The following PTPRD variants were observed in gnomAD, a reference collection of about 807,000 sequenced individuals.
The protein encoded by PTPRD is receptor-type tyrosine-protein phosphatase delta.
In PTPRD, 34 loss-of-function variants were observed where a neutral mutation model predicts 214.5. The observed-to-expected ratio is 0.16, with a 90% CI of 0.12 to 0.21. PTPRD has a LOEUF of 0.21. Among genes scored for constraint, PTPRD ranks in the 10% least tolerant of loss-of-function variants. The probability of loss-of-function intolerance (pLI) is 1.00; values close to 1 mark genes in which losing one functional copy is unlikely to be tolerated. For missense variants in PTPRD, 2,545 were observed against 2,398.7 expected (o/e 1.06, Z -1.27); for synonymous variants, 1,128 against 845.7 (o/e 1.33, Z -5.79).
chr9:10,100,394 T>C (rs887191016), intron 3 of PTPRD, among the ~76,000 whole-genome samples: 4 of 151,780 alleles, frequency 2.6e-5, no homozygotes, highest in East Asian at 3.9e-4. Flanking sequence ...AGCAGTCTAG[T>C]TGCAAAGCCT....
intron 10 of PTPRD, among the ~76,000 whole-genome samples, chr9:9,137,502 C>A (rs2099852741): frequency 6.6e-6 from 1 of 152,032 alleles, no homozygotes; most frequent in African/African-American, 2.4e-5. Flanking sequence ...GATATATAAC[C>A]CCCCTCTTAA....
chr9:9,784,801 C>A (rs1475284193), intron 5 of PTPRD, among the ~76,000 whole-genome samples: 2 of 150,108 alleles, frequency 1.3e-5, no homozygotes, highest in East Asian at 3.9e-4. Flanking sequence ...ATGTTTATAT[C>A]TATATCATAA....
At chr9:8,812,414 T>C (rs2096827955) in intron 11 of PTPRD, among the ~76,000 whole-genome samples, 1 of 152,204 alleles carries the variant, frequency 6.6e-6, no homozygotes, top group Non-Finnish European at 1.5e-5. Context: ...TTTCCATGTA[T>C]CTGCTAATTA....
At chr9:9,485,579 G>C (rs1364793031) in intron 8 of PTPRD, among the ~76,000 whole-genome samples, 1 of 151,966 alleles carries the variant, frequency 6.6e-6, no homozygotes, top group South Asian at 2.1e-4. Flanking sequence ...AGATAATCTA[G>C]TCTCTTACTT....
intron 30 of PTPRD, among the ~76,000 whole-genome samples, chr9:8,483,116 T>C (rs533667460): frequency 5.3e-5 from 8 of 152,350 alleles, no homozygotes; most frequent in African/African-American, 1.9e-4. Flanking sequence ...TTTTTTCTTC[T>C]ATTAGTTATT....
chr9:10,419,668 G>C (rs1423451398), intron 2 of PTPRD, among the ~76,000 whole-genome samples: 1 of 151,472 alleles, frequency 6.6e-6, no homozygotes, highest in Non-Finnish European at 1.5e-5. Context: ...CTGATCTCTT[G>C]GTTGTCTTCA....
At chr9:8,662,945 C>T (rs1238378747) in intron 12 of PTPRD, among the ~76,000 whole-genome samples, 1 of 152,092 alleles carries the variant, frequency 6.6e-6, no homozygotes, top group Non-Finnish European at 1.5e-5. Context: ...AGTAGAGACA[C>T]ACCAGGGAAG....
chr9:8,906,888 C>G (rs1309043689), intron 11 of PTPRD, among the ~76,000 whole-genome samples: 1 of 152,048 alleles, frequency 6.6e-6, no homozygotes, highest in Non-Finnish European at 1.5e-5. Flanking sequence ...CAAGCTCACA[C>G]AAAGGCAGAG....
intron 7 of PTPRD, among the ~76,000 whole-genome samples, chr9:9,579,497 T>C (rs1296440699): frequency 4.6e-5 from 7 of 152,112 alleles, no homozygotes; most frequent in Admixed American, 3.9e-4. Context: ...GGTAAACGTG[T>C]GCCATGGTGG....
chr9:10,504,292 T>G (rs1040945603), intron 2 of PTPRD, among the ~76,000 whole-genome samples: 5 of 151,964 alleles, frequency 3.3e-5, no homozygotes, highest in Admixed American at 6.6e-5. Context: ...TGCAAGCCAG[T>G]ATTATGATTA....
chr9:9,588,439 A>G (rs577915954), intron 7 of PTPRD, among the ~76,000 whole-genome samples: 2 of 152,070 alleles, frequency 1.3e-5, no homozygotes, highest in South Asian at 4.1e-4. Context: ...CAATCAACTT[A>G]GGCAAGGGGG....
intron 32 of PTPRD, among the ~76,000 whole-genome samples, chr9:8,464,478 G>A (rs1045746397): frequency 6.6e-6 from 1 of 151,838 alleles, no homozygotes; most frequent in Admixed American, 6.6e-5. Context: ...TTTTCCACGG[G>A]GGAATTCTTT....
intron 5 of PTPRD, among the ~76,000 whole-genome samples, chr9:9,936,796 T>A (rs1416572156): frequency 7.1e-6 from 1 of 141,486 alleles, no homozygotes; most frequent in Non-Finnish European, 1.5e-5. Context: ...TGCGGCATTA[T>A]TCACAATAGC....
intron 7 of PTPRD, among the ~76,000 whole-genome samples, chr9:9,600,014 G>A (rs1275969731): frequency 6.6e-6 from 1 of 151,738 alleles, no homozygotes; most frequent in East Asian, 1.9e-4. Flanking sequence ...TTCTATAATA[G>A]GTAAAATGCA....
intron 2 of PTPRD, among the ~76,000 whole-genome samples, chr9:10,361,081 G>C (rs572349703): frequency 6.6e-6 from 1 of 152,118 alleles, no homozygotes; most frequent in African/African-American, 2.4e-5. Flanking sequence ...CAGCCTGGGC[G>C]ACAGCGAGAC....
chr9:10,246,616 T>C (rs1564766245), intron 3 of PTPRD, among the ~76,000 whole-genome samples: 1 of 152,150 alleles, frequency 6.6e-6, no homozygotes, highest in South Asian at 2.1e-4. Flanking sequence ...GGAAGATTGT[T>C]AGATGATGAT....
At chr9:10,230,334 A>C (rs1356338115) in intron 3 of PTPRD, among the ~76,000 whole-genome samples, 1 of 151,968 alleles carries the variant, frequency 6.6e-6, no homozygotes, top group East Asian at 1.9e-4. Context: ...TAACAAACTA[A>C]TATAATGTGT....
chr9:8,382,990 C>G (rs1442873538), intron 37 of PTPRD, among the ~76,000 whole-genome samples: 1 of 152,118 alleles, frequency 6.6e-6, no homozygotes, highest in Non-Finnish European at 1.5e-5. Flanking sequence ...CCAGAAGGGC[C>G]AAGAATTAGT....
chr9:9,204,527 C>G (rs1407361948), intron 9 of PTPRD, among the ~76,000 whole-genome samples: 1 of 152,152 alleles, frequency 6.6e-6, no homozygotes, highest in Non-Finnish European at 1.5e-5. Flanking sequence ...TAAAGGAACA[C>G]TCACGAGTCC....
Sources: gnomAD v4.1 joint callset for allele counts (sites outside exome capture counted in the v4.1 genomes callset) on GRCh38, gnomAD v4.1.1 for gene constraint, MANE v1.5 for transcripts, NCBI Gene and HGNC (gene_info 2026-07-23, HGNC 2026-07-21) for gene names.